The following GABRA1 variants were observed in gnomAD, a reference collection of about 807,000 sequenced individuals.
GABRA1 encodes the protein gamma-aminobutyric acid receptor subunit alpha-1.
GABRA1 carries 9 observed loss-of-function variants against 48.9 expected under a neutral mutation model. That is an observed-to-expected ratio of 0.18 (90% CI 0.11 to 0.32). The LOEUF (loss-of-function observed/expected upper bound fraction) is 0.32. GABRA1 is among the 10% of genes least tolerant of loss of function. The pLI is 1.00. For synonymous variants in GABRA1, 210 were observed against 198.7 expected (o/e 1.06, Z -0.48); for missense variants, 285 against 553.8 (o/e 0.51, Z 4.87).
chr5:161,850,197 C>T, intron 1 of GABRA1: 1 of 155,936 alleles, frequency 6.4e-6, no homozygotes, highest in Non-Finnish European at 1.4e-5. Context: ...TTTAACAAAG[C>T]AGTCACAGGA....
At chr5:161,874,508 A>T (rs928041165) in intron 5 of GABRA1, among the ~76,000 whole-genome samples, 1 of 152,118 alleles carries the variant, frequency 6.6e-6, no homozygotes, top group Admixed American at 6.6e-5. Flanking sequence ...TTCCTCTTAG[A>T]TGGCAATTTT....
chr5:161,898,847 T>C lies in GABRA1; in HGVS notation c.*1425T>C, dbSNP rs919551233. The C allele has an allele frequency of 2.6e-5, 4 of 152,562 alleles. No homozygotes were observed. Among genetic ancestry groups the C allele is most frequent in the East Asian group, 1.9e-4 (1 of 5,198 alleles). 9.5% of individuals were successfully genotyped at this position (152,562 alleles called of 1,614,324 possible). On this transcript the variant is annotated 3_prime_UTR_variant, in exon 10 of 10. Coordinates refer to ENST00000393943, the MANE Select transcript of GABRA1 (RefSeq NM_001127644.2). ...TATGTAGCATTAAATATAAAATACA[T>C]AAAAGAATGTACAGAAAATAGCTTT...
upstream of GABRA1, chr5:161,847,321 G>A (rs368385541): frequency 6.6e-6 from 1 of 152,028 alleles, no homozygotes; most frequent in Admixed American, 6.6e-5. Flanking sequence ...GAATGATTCC[G>A]GAAATGGAGA....
intron 3 of GABRA1, among the ~76,000 whole-genome samples, chr5:161,855,568 A>G (rs957672917): frequency 6.6e-6 from 1 of 151,544 alleles, no homozygotes; most frequent in African/African-American, 2.4e-5. Context: ...TAGAGTGGTC[A>G]CAAAATGGGG....
intron 7 of GABRA1, among the ~76,000 whole-genome samples, chr5:161,889,580 G>C (rs1179748716): frequency 6.6e-6 from 1 of 152,068 alleles, no homozygotes; most frequent in Non-Finnish European, 1.5e-5. Flanking sequence ...GTAGAGTTTT[G>C]TAGGCCAATA....
At chr5:161,848,006 G>C (rs1757275958), upstream of GABRA1, 1 of 152,036 alleles carries the variant, frequency 6.6e-6, no homozygotes, top group Admixed American at 6.6e-5. Context: ...TAGGGCCAGA[G>C]TGGTGCAAGT....
chr5:161,894,583 A>C (rs1453624284), intron 8 of GABRA1, among the ~76,000 whole-genome samples: 1 of 152,214 alleles, frequency 6.6e-6, no homozygotes, highest in Non-Finnish European at 1.5e-5. Flanking sequence ...TAGGATTGAG[A>C]CTAGTCACTG....
At chr5:161,893,431 T>C (rs1157766388) in intron 8 of GABRA1, among the ~76,000 whole-genome samples, 1 of 152,346 alleles carries the variant, frequency 6.6e-6, no homozygotes, top group South Asian at 2.1e-4. Flanking sequence ...CTATGCTTTT[T>C]AGTTTGAACT....
chr5:161,857,518 A>G (rs966248029), intron 3 of GABRA1, among the ~76,000 whole-genome samples: 1 of 151,584 alleles, frequency 6.6e-6, no homozygotes, highest in African/African-American at 2.4e-5. Context: ...ATTTTAAAAG[A>G]CTGCCTTTTC....
intron 5 of GABRA1, among the ~76,000 whole-genome samples, chr5:161,874,348 A>G (rs1291435574): frequency 1.3e-5 from 2 of 152,174 alleles, no homozygotes; most frequent in African/African-American, 4.8e-5. Flanking sequence ...GACTTAAAAA[A>G]ATCTAAAAGA....
chr5:161,891,785 T>A (rs1755101611), intron 8 of GABRA1, among the ~76,000 whole-genome samples: 1 of 152,144 alleles, frequency 6.6e-6, no homozygotes, highest in East Asian at 1.9e-4. Context: ...CAATACAATA[T>A]CTTCTAGACA....
intron 8 of GABRA1, among the ~76,000 whole-genome samples, chr5:161,891,847 G>A (rs1010519572): frequency 6.6e-6 from 1 of 152,134 alleles, no homozygotes; most frequent in Admixed American, 6.5e-5. Flanking sequence ...TATGAAAATT[G>A]CATTCTGAAG....
chr5:161,870,901 AAC>A (rs751486629), intron 4 of GABRA1, among the ~76,000 whole-genome samples: 8 of 151,746 alleles, frequency 5.3e-5, no homozygotes, highest in Non-Finnish European at 1.0e-4. Context: ...TTCAACTTCT[AAC>A]AGTGCAGAAA....
At chr5:161,874,452 T>C (rs72819310) in intron 5 of GABRA1, among the ~76,000 whole-genome samples, 67,645 of 151,642 alleles carry the variant, frequency 0.45, 15,570 homozygotes, top group East Asian at 0.62. Flanking sequence ...TATTCCCCCC[T>C]GATGAAACAC....
At position 161,897,451 on chromosome 5, in the gene GABRA1, C is replaced by T. The variant is rs1169601300; in HGVS notation, c.*29C>T. 6.4e-7 allele frequency: 1 copy of T among 1,567,962 alleles called. No individual in the cohort carries two copies. The highest frequency in any genetic ancestry group is 1.1e-5 in the South Asian group (1 of 90,174). ...TTTTACTCACATTCTGTTGTTCAGT[C>T]CTCTGCACTGGGAATTTATTTATGT... On this transcript the variant is annotated 3_prime_UTR_variant, in exon 10 of 10. Coordinates refer to ENST00000393943, the MANE Select transcript of GABRA1 (RefSeq NM_001127644.2).
At chr5:161,869,448 T>C (rs190741610) in intron 4 of GABRA1, among the ~76,000 whole-genome samples, 103 of 152,260 alleles carry the variant, frequency 6.8e-4, no homozygotes, top group Non-Finnish European at 1.3e-3. Flanking sequence ...GGCATCTGAC[T>C]TCATCTGGAA....
rs1437632444 is a variant in GABRA1 at position 161,895,887 on chromosome 5, A to T, written c.1059+19A>T. The T allele has an allele frequency of 6.3e-7, 1 of 1,579,838 alleles. No individual in the cohort carries two copies. Among genetic ancestry groups the T allele is most frequent in the South Asian group, 1.1e-5 (1 of 90,464 alleles). ...AGAAAAGGTAAATGCTTTAATGGTC[A>T]CTGTAGTACATCAATATTATGTCTC... On this transcript the variant is annotated intron_variant, in intron 9 of 9. Coordinates refer to ENST00000393943, the MANE Select transcript of GABRA1 (RefSeq NM_001127644.2).
At chr5:161,896,977 G>A in intron 9 of GABRA1, 134 bp from the exon 10 acceptor site, 1 of 743,142 alleles carries the variant, frequency 1.3e-6, no homozygotes, top group Non-Finnish European at 2.3e-6. Context: ...AATAAGACAG[G>A]CATAAATTAT....
chr5:161,897,190 C>T lies in GABRA1; in HGVS notation c.1139C>T (p.Ala380Val). 6.2e-7 allele frequency: 1 copy of T among 1,614,066 alleles called. No individual in the cohort carries two copies. The highest frequency in any genetic ancestry group is 8.5e-7 in the Non-Finnish European group (1 of 1,179,990). The change falls in exon 10 of 10, where the codon GCC becomes GTC. Residue 380 changes from alanine (A) to valine (V), a missense_variant. Ala to Val is a moderately conservative substitution (Grantham distance 64). This residue lies in a region of GABRA1 where 99 missense variants were observed against 94.2 expected (regional missense o/e 1.05). Coordinates refer to ENST00000393943, the MANE Select transcript of GABRA1 (RefSeq NM_001127644.2). ...GCAACCAGCTACACCCCTAATTTGG[C>T]CAGGGGCGACCCGGGCTTAGCCACC... ...PTATSYTPNL[A>V]RGDPGLATIA...
Sources: gnomAD v4.1 joint callset for allele counts (sites outside exome capture counted in the v4.1 genomes callset) on GRCh38, gnomAD v4.1.1 for gene constraint, gnomAD v4.1.1 regional missense constraint, MANE v1.5 for transcripts, NCBI Gene and HGNC (gene_info 2026-07-23, HGNC 2026-07-21) for gene names.